CEMIP2: variants seen among roughly 807,000 people sequenced by gnomAD.
CEMIP2 encodes the protein cell surface hyaluronidase CEMIP2.
Under a neutral mutation model 146.9 loss-of-function variants are expected in CEMIP2, and 79 were observed. The observed-to-expected ratio is 0.54, with a 90% CI of 0.45 to 0.65. The LOEUF is 0.65. Ranked by LOEUF, CEMIP2 falls within the 30% of genes least tolerant of loss-of-function variation. The pLI, the probability that CEMIP2 is intolerant of heterozygous loss-of-function variation, is 0.00. For synonymous variants in CEMIP2, 601 were observed against 606.3 expected, an observed-to-expected ratio of 0.99 and a Z score of 0.13; for missense variants, 1,596 against 1,696.2, an observed-to-expected ratio of 0.94 and a Z score of 1.04.
At chr9:71,761,116 T>A (rs1824622178) in intron 1 of CEMIP2, among the ~76,000 whole-genome samples, 1 of 152,238 alleles carries the variant, frequency 6.6e-6, no homozygotes, top group South Asian at 2.1e-4. Context: ...GTCACCAGCC[T>A]TGCAGCTGGC....
intron 17 of CEMIP2, 55 bp downstream of exon 17, chr9:71,709,204 G>T: frequency 6.6e-7 from 1 of 1,520,080 alleles, no homozygotes. Flanking sequence ...TCTCACAGAA[G>T]CAGTGCTGGC....
At chr9:71,705,308 T>G (rs1314534726) in intron 17 of CEMIP2, among the ~76,000 whole-genome samples, 2 of 151,920 alleles carry the variant, frequency 1.3e-5, no homozygotes, top group African/African-American at 2.4e-5. Context: ...AAAAAAAAGT[T>G]ATAAAGTACT....
intron 10 of CEMIP2, among the ~76,000 whole-genome samples, chr9:71,728,230 T>TATATATATATATA (rs1564012043): frequency 9.7e-5 from 2 of 20,668 alleles, no homozygotes; most frequent in South Asian, 2.0e-3. Context: ...TCTCTCTCTC[T>TATATATATATATA]CTATATATAT....
intron 4 of CEMIP2, among the ~76,000 whole-genome samples, chr9:71,740,607 T>C (rs186661748): frequency 1.3e-5 from 2 of 152,340 alleles, no homozygotes; most frequent in African/African-American, 4.8e-5. Context: ...ATTAATACAA[T>C]GTTCTCAAAA....
At chr9:71,709,613 C>T in intron 16 of CEMIP2, 139 bp from the exon 17 acceptor site, 1 of 688,914 alleles carries the variant, frequency 1.5e-6, no homozygotes, top group Non-Finnish European at 2.5e-6. Flanking sequence ...TAGTTGTCAG[C>T]TATGGCACTC....
chr9:71,706,716 T>C (rs748289909), intron 17 of CEMIP2, among the ~76,000 whole-genome samples: 3 of 152,244 alleles, frequency 2.0e-5, no homozygotes, highest in Non-Finnish European at 2.9e-5. Context: ...TACCTGCCAC[T>C]TTAAGACAGA....
In CEMIP2 at chr9:71,716,558, AAAG is replaced by A. The variant is rs1326859169; in HGVS notation, c.2400-9_2400-7del. ...CTATTCCATTATCTGCAAATCTGTA[AAAG>A]AAGAGAGAATGAAGAACATTTTAAT... On this transcript the variant is annotated splice_region_variant and splice_polypyrimidine_tract_variant and intron_variant, in intron 13 of 23. Transcript: ENST00000377044. The A allele has an allele frequency of 6.3e-7, 1 of 1,591,504 alleles. No homozygotes were observed. Among genetic ancestry groups the A allele is most frequent in the Non-Finnish European group, 8.6e-7 (1 of 1,169,500 alleles).
At chr9:71,713,824 C>A (rs921032317) in intron 15 of CEMIP2, among the ~76,000 whole-genome samples, 1 of 152,152 alleles carries the variant, frequency 6.6e-6, no homozygotes, top group Admixed American at 6.5e-5. Flanking sequence ...CTGGCAGAAC[C>A]TATCTCATTG....
At chr9:71,692,318 T>TTTG (rs1822254263) in intron 21 of CEMIP2, among the ~76,000 whole-genome samples, 2 of 140,414 alleles carry the variant, frequency 1.4e-5, no homozygotes, top group African/African-American at 5.7e-5. Context: ...TTTTTTTTTT[T>TTTG]GGCAAAACGC....
intron 22 of CEMIP2, among the ~76,000 whole-genome samples, chr9:71,689,194 C>T (rs190419980): frequency 2.6e-5 from 4 of 152,102 alleles, no homozygotes; most frequent in African/African-American, 4.8e-5. Flanking sequence ...GAAGACAGAA[C>T]GACATATATA....
At chr9:71,750,467 G>T in intron 1 of CEMIP2, 82 bp from the exon 2 acceptor site, 1 of 1,083,092 alleles carries the variant, frequency 9.2e-7, no homozygotes, top group Non-Finnish European at 1.3e-6. Flanking sequence ...ATGAGATGGA[G>T]TTTCACTCTT....
rs920862070 is a variant in CEMIP2, at chr9:71,685,408, A to G, written c.3956-15T>C. On this transcript the variant is annotated splice_polypyrimidine_tract_variant and intron_variant, in intron 23 of 23. Coordinates refer to ENST00000377044, the MANE Select transcript of CEMIP2 (RefSeq NM_013390.3). ...TATGGTACTCCCTAAAAAAAAAAAA[A>G]AAAAAGAAAAAGAAAAAAAATCAAT... The G allele has an allele frequency of 2.3e-5, 34 of 1,496,144 alleles. No individual in the cohort carries two copies. The highest frequency in any genetic ancestry group is 2.2e-5 in the Non-Finnish European group (25 of 1,125,722). The allele number at this position is 1,496,144 out of a possible 1,614,324, so 92.7% of individuals were successfully genotyped here.
At chr9:71,768,981 C>CCCGGCCCCTCCCG (rs1824890612), upstream of CEMIP2, 3 of 152,140 alleles carry the variant, frequency 2.0e-5, no homozygotes, top group African/African-American at 7.2e-5. Context: ...GGTGGCCCCG[C>CCCGGCCCCTCCCG]CCGGCCCCTC....
At chr9:71,707,665 C>A (rs1015860711) in intron 17 of CEMIP2, among the ~76,000 whole-genome samples, 1 of 152,144 alleles carries the variant, frequency 6.6e-6, no homozygotes, top group Non-Finnish European at 1.5e-5. Context: ...CACCTTTGAC[C>A]GGCAAAGTGA....
chr9:71,754,756 CA>C (rs1488761663), intron 1 of CEMIP2, among the ~76,000 whole-genome samples: 1 of 151,862 alleles, frequency 6.6e-6, no homozygotes, highest in Admixed American at 6.6e-5. Context: ...AGTAGTAGCC[CA>C]AAAGGCTTGG....
chr9:71,763,834 A>G (rs1006325564), intron 1 of CEMIP2, among the ~76,000 whole-genome samples: 1 of 152,206 alleles, frequency 6.6e-6, no homozygotes, highest in Non-Finnish European at 1.5e-5. Flanking sequence ...CACTTTTTTT[A>G]AAGACATTTT....
At chr9:71,733,111 A>C (rs536300780) in intron 6 of CEMIP2, among the ~76,000 whole-genome samples, 5 of 152,058 alleles carry the variant, frequency 3.3e-5, no homozygotes, top group Admixed American at 3.3e-4. Context: ...GTAGATATTA[A>C]TATCAGGGTG....
At chr9:71,751,430 C>T (rs377402368) in intron 1 of CEMIP2, among the ~76,000 whole-genome samples, 9 of 152,322 alleles carry the variant, frequency 5.9e-5, no homozygotes, top group Admixed American at 4.6e-4. Context: ...CAGGGCACCA[C>T]GGCTAAACAA....
chr9:71,697,109 G>A (rs899118206), intron 20 of CEMIP2, among the ~76,000 whole-genome samples: 1 of 152,238 alleles, frequency 6.6e-6, no homozygotes, highest in African/African-American at 2.4e-5. Context: ...AGATTGCCAG[G>A]CCGCAGCCCC....
Sources: gnomAD v4.1 joint callset for allele counts (sites outside exome capture counted in the v4.1 genomes callset) on GRCh38, gnomAD v4.1.1 for gene constraint, MANE v1.5 for transcripts, NCBI Gene and HGNC (gene_info 2026-07-23, HGNC 2026-07-21) for gene names.